The following PAPPA variants were observed in gnomAD, a reference collection of about 807,000 sequenced individuals.
PAPPA encodes the protein pappalysin 1.
Under a neutral mutation model 164.0 loss-of-function variants are expected in PAPPA, and 60 were observed. The observed-to-expected ratio is 0.37, with a 90% CI of 0.30 to 0.45. The LOEUF (loss-of-function observed/expected upper bound fraction) is 0.45. PAPPA is among the 20% of genes least tolerant of loss of function. PAPPA has a pLI of 1.00. For missense variants in PAPPA, 1,782 were observed against 2,087.3 expected (o/e 0.85, Z 2.85); for synonymous variants, 875 against 814.1 (o/e 1.07, Z -1.27).
At position 116,352,933 on chromosome 9, in the gene PAPPA, A is replaced by G; in HGVS notation, c.4175+17A>G. ...GTCAAAGAAGTAAGTGGGGTTGGAA[A>G]TGCAAACTTATGGTCTCTGGGAGGA... On this transcript the variant is annotated intron_variant, in intron 16 of 21. Coordinates refer to ENST00000328252, the MANE Select transcript of PAPPA (RefSeq NM_002581.5). 6.3e-7 allele frequency: 1 copy of G among 1,586,930 alleles called. No homozygotes were observed. The highest frequency in any genetic ancestry group is 1.1e-5 in the South Asian group (1 of 89,986).
intron 2 of PAPPA, among the ~76,000 whole-genome samples, chr9:116,190,357 A>C (rs1196884304): frequency 1.3e-5 from 2 of 152,186 alleles, no homozygotes; most frequent in Non-Finnish European, 2.9e-5. Flanking sequence ...TCATTCATGC[A>C]ACAAATGTTT....
chr9:116,308,197 T>A (rs1845670814), intron 10 of PAPPA, among the ~76,000 whole-genome samples: 1 of 152,204 alleles, frequency 6.6e-6, no homozygotes, highest in Admixed American at 6.5e-5. Flanking sequence ...AAGCTTACCA[T>A]GTCATCAGAA....
At chr9:116,176,355 T>C (rs982162248) in intron 1 of PAPPA, among the ~76,000 whole-genome samples, 1 of 152,192 alleles carries the variant, frequency 6.6e-6, no homozygotes, top group Non-Finnish European at 1.5e-5. Context: ...GGAAGATGAA[T>C]CTGGTGATGC....
chr9:116,159,796 G>T (rs568719940), intron 1 of PAPPA, among the ~76,000 whole-genome samples: 18 of 152,206 alleles, frequency 1.2e-4, no homozygotes, highest in Non-Finnish European at 2.5e-4. Context: ...TATGGAACTC[G>T]GGAGTGTGGG....
chr9:116,392,767 G>A (rs962001085), intron 21 of PAPPA, among the ~76,000 whole-genome samples: 12 of 152,190 alleles, frequency 7.9e-5, no homozygotes, highest in African/African-American at 2.9e-4. Flanking sequence ...GACCTGACAT[G>A]ACTTCACTGA....
At chr9:116,388,362 T>A (rs974025626) in intron 21 of PAPPA, among the ~76,000 whole-genome samples, 20 of 152,150 alleles carry the variant, frequency 1.3e-4, no homozygotes, top group Admixed American at 1.1e-3. Flanking sequence ...ACAAAAAAAA[T>A]TCAATTTATA....
chr9:116,194,616 G>A (rs761531064), intron 2 of PAPPA, among the ~76,000 whole-genome samples: 23 of 152,162 alleles, frequency 1.5e-4, no homozygotes, highest in Admixed American at 1.0e-3. Context: ...AGTAAGAGCC[G>A]CTGGTTTCTC....
At chr9:116,182,687 T>C (rs1473622860) in intron 1 of PAPPA, among the ~76,000 whole-genome samples, 3 of 152,112 alleles carry the variant, frequency 2.0e-5, no homozygotes, top group African/African-American at 4.8e-5. Flanking sequence ...TGGGATGAGA[T>C]TGAATGAGTA....
chr9:116,387,429 T>G (rs1846830213), intron 21 of PAPPA, among the ~76,000 whole-genome samples: 1 of 152,206 alleles, frequency 6.6e-6, no homozygotes, highest in Admixed American at 6.5e-5. Flanking sequence ...CTCTGTCACC[T>G]ACTCTGGAGT....
chr9:116,257,401 C>CA (rs958213053), intron 7 of PAPPA, among the ~76,000 whole-genome samples: 1 of 151,764 alleles, frequency 6.6e-6, no homozygotes, highest in African/African-American at 2.4e-5. Context: ...CGCAGCTGGA[C>CA]AAAAAATAAA....
chr9:116,351,930 G>A (rs890246619), intron 15 of PAPPA, among the ~76,000 whole-genome samples: 2 of 152,182 alleles, frequency 1.3e-5, no homozygotes, highest in African/African-American at 4.8e-5. Context: ...ACAAGTTTCA[G>A]GTCCTCCTCT....
chr9:116,298,640 G>A (rs569921243), intron 9 of PAPPA, among the ~76,000 whole-genome samples: 22 of 152,296 alleles, frequency 1.4e-4, no homozygotes, highest in African/African-American at 2.9e-4. Flanking sequence ...ATTTGGTTGA[G>A]AGTATATACA....
chr9:116,349,314 C>A (rs1846251639), intron 15 of PAPPA, among the ~76,000 whole-genome samples: 1 of 152,166 alleles, frequency 6.6e-6, no homozygotes, highest in South Asian at 2.1e-4. Flanking sequence ...GGTTTAGGGA[C>A]AAACAAGTTA....
chr9:116,335,707 G>T (rs1039103273), intron 13 of PAPPA, among the ~76,000 whole-genome samples: 1 of 152,132 alleles, frequency 6.6e-6, no homozygotes, highest in African/African-American at 2.4e-5. Context: ...AAAAGAATAC[G>T]AGCTTTGGGA....
intron 21 of PAPPA, among the ~76,000 whole-genome samples, chr9:116,383,066 C>A (rs1048142791): frequency 1.3e-5 from 2 of 152,152 alleles, no homozygotes; most frequent in African/African-American, 4.8e-5. Context: ...TGGTCATGGT[C>A]ATGGTATTTT....
intron 1 of PAPPA, among the ~76,000 whole-genome samples, chr9:116,162,330 C>G (rs1032239846): frequency 2.0e-5 from 3 of 152,168 alleles, no homozygotes; most frequent in African/African-American, 7.2e-5. Flanking sequence ...GATACACACA[C>G]ACATACTCAT....
At chr9:116,269,686 C>A (rs1845115210) in intron 8 of PAPPA, among the ~76,000 whole-genome samples, 1 of 152,168 alleles carries the variant, frequency 6.6e-6, no homozygotes, top group African/African-American at 2.4e-5. Flanking sequence ...TTGTTTAAAC[C>A]AGTAGAACAC....
intron 8 of PAPPA, among the ~76,000 whole-genome samples, chr9:116,269,139 A>G (rs1179291339): frequency 6.6e-6 from 1 of 152,192 alleles, no homozygotes; most frequent in African/African-American, 2.4e-5. Context: ...CTGTGCATGA[A>G]GCACTGTGCT....
At chr9:116,266,705 T>C (rs1007580894) in intron 8 of PAPPA, among the ~76,000 whole-genome samples, 2 of 152,204 alleles carry the variant, frequency 1.3e-5, no homozygotes, top group Non-Finnish European at 2.9e-5. Context: ...CCAAGACTTT[T>C]GCATTGTTTA....
Sources: gnomAD v4.1 joint callset for allele counts (sites outside exome capture counted in the v4.1 genomes callset) on GRCh38, gnomAD v4.1.1 for gene constraint, MANE v1.5 for transcripts, NCBI Gene and HGNC (gene_info 2026-07-23, HGNC 2026-07-21) for gene names.